Variants in UBAP2 observed in about 807,000 individuals in gnomAD.
UBAP2 encodes ubiquitin associated protein 2, also known as ubiquitin-associated protein 2.
Under a neutral mutation model 139.6 loss-of-function variants are expected in UBAP2, and 75 were observed. That is an observed-to-expected ratio of 0.54 (90% CI 0.45 to 0.65). UBAP2 has a LOEUF of 0.65. Among genes scored for constraint, UBAP2 ranks in the 30% least tolerant of loss-of-function variants. The probability of loss-of-function intolerance (pLI) is 0.00; values close to 1 mark genes in which losing one functional copy is unlikely to be tolerated. For synonymous variants in UBAP2, 526 were observed against 526.2 expected (o/e 1.00, Z 0.01); for missense variants, 1,368 against 1,369.6 (o/e 1.00, Z 0.02).
At chr9:33,928,158 G>C in intron 19 of UBAP2, 166 bp from the exon 20 acceptor site, 1 of 636,098 alleles carries the variant, frequency 1.6e-6, no homozygotes, top group Non-Finnish European at 2.6e-6. Context: ...AGTGCTCACT[G>C]CGGCCCCTCA....
chr9:33,994,186 G>A (rs929520144), intron 4 of UBAP2, among the ~76,000 whole-genome samples: 1 of 152,092 alleles, frequency 6.6e-6, no homozygotes, highest in South Asian at 2.1e-4. Flanking sequence ...GAGCCGCAGT[G>A]CCCAGTCAGT....
chr9:34,019,666 CTT>C (rs1824728355), intron 1 of UBAP2, among the ~76,000 whole-genome samples: 1 of 146,152 alleles, frequency 6.8e-6, no homozygotes, highest in Admixed American at 7.1e-5. Flanking sequence ...TTACAATAAA[CTT>C]TATGTTATGT....
At chr9:33,969,356 C>A (rs1827718056) in intron 8 of UBAP2, among the ~76,000 whole-genome samples, 1 of 151,928 alleles carries the variant, frequency 6.6e-6, no homozygotes, top group African/African-American at 2.4e-5. Flanking sequence ...AGACCAGCTT[C>A]CACAACAATG....
Position 34,021,342 on chromosome 9 carries a change from C to T in UBAP2, c.-41-4153G>A, listed in dbSNP as rs73482913. ...ACCAATTATCTAGAATTTCTCACAGCCTCAATACACTGGTTTAAAACTTTT... is the reference window on the plus strand; with the variant it reads ...ACCAATTATCTAGAATTTCTCACAGTCTCAATACACTGGTTTAAAACTTTT... On this transcript the variant is annotated intron_variant, in intron 1 of 28. Coordinates refer to ENST00000379238, the MANE Select transcript of UBAP2 (RefSeq NM_001370062.2). 3.4e-3 allele frequency among the ~76,000 whole-genome samples: 519 copies of T among 152,272 alleles called. 5 individuals carry two copies. Among genetic ancestry groups the T allele is most frequent in the African/African-American group, 0.012 (487 of 41,564 alleles).
At chr9:33,949,294 G>A (rs552986320) in intron 12 of UBAP2, among the ~76,000 whole-genome samples, 1 of 152,124 alleles carries the variant, frequency 6.6e-6, no homozygotes, top group East Asian at 1.9e-4. Flanking sequence ...ACAAAGATAT[G>A]CTTGACCAAC....
intron 2 of UBAP2, among the ~76,000 whole-genome samples, chr9:34,004,153 C>T (rs1822972454): frequency 6.6e-6 from 1 of 152,204 alleles, no homozygotes; most frequent in Non-Finnish European, 1.5e-5. Flanking sequence ...GATATATACT[C>T]AACGAGCAGT....
chr9:33,930,853 G>A (rs1444291080), intron 19 of UBAP2, among the ~76,000 whole-genome samples: 2 of 137,172 alleles, frequency 1.5e-5, no homozygotes, highest in African/African-American at 2.8e-5. Context: ...CTGAGATTGC[G>A]CCATTGCACT....
intron 4 of UBAP2, among the ~76,000 whole-genome samples, chr9:33,990,186 T>C (rs1377862607): frequency 6.6e-6 from 1 of 152,184 alleles, no homozygotes; most frequent in Non-Finnish European, 1.5e-5. Flanking sequence ...TTCCATTTAC[T>C]TATTCATAAT....
At chr9:34,013,855 C>A (rs763296853) in intron 2 of UBAP2, among the ~76,000 whole-genome samples, 1 of 150,554 alleles carries the variant, frequency 6.6e-6, no homozygotes, top group African/African-American at 2.4e-5. Context: ...CCAGCCTGGG[C>A]GACAGAGCGA....
chr9:34,047,714 T>C (rs1186727145), intron 1 of UBAP2, among the ~76,000 whole-genome samples: 2 of 152,220 alleles, frequency 1.3e-5, no homozygotes, highest in East Asian at 3.8e-4. Context: ...AGCACCGTGG[T>C]GCACACTGTA....
At chr9:33,998,750 A>C (rs749898112) in intron 3 of UBAP2, 37 bp downstream of exon 3, 1 of 1,562,920 alleles carries the variant, frequency 6.4e-7, no homozygotes, top group Non-Finnish European at 8.7e-7. Flanking sequence ...ATCAAAATAG[A>C]TTATAAAAAT....
intron 18 of UBAP2, 23 bp from the exon 19 acceptor site, chr9:33,932,651 G>T: frequency 6.2e-7 from 1 of 1,612,544 alleles, no homozygotes; most frequent in Non-Finnish European, 8.5e-7. Flanking sequence ...ACAGAGCGCC[G>T]TATGTCCACC....
chr9:34,034,654 CAGG>C (rs1198658848), intron 1 of UBAP2, among the ~76,000 whole-genome samples: 2 of 152,158 alleles, frequency 1.3e-5, no homozygotes, highest in Admixed American at 6.6e-5. Context: ...GCGGGCGGAT[CAGG>C]AGGTCAGGAG....
intron 12 of UBAP2, among the ~76,000 whole-genome samples, 165 bp downstream of exon 12, chr9:33,953,120 C>T (rs1826243986): frequency 6.6e-6 from 1 of 152,188 alleles, no homozygotes; most frequent in Non-Finnish European, 1.5e-5. Context: ...TCCTCATGCC[C>T]CAGCTCCCAA....
intron 1 of UBAP2, among the ~76,000 whole-genome samples, chr9:34,030,184 G>A (rs931538639): frequency 5.9e-5 from 9 of 151,508 alleles, no homozygotes; most frequent in African/African-American, 9.7e-5. Flanking sequence ...GGTGGCTCAC[G>A]CCTGTAATCC....
At chr9:33,998,888 A>ACCT in intron 2 of UBAP2, 24 bp from the exon 3 acceptor site, 1 of 1,600,648 alleles carries the variant, frequency 6.2e-7, no homozygotes, top group East Asian at 2.2e-5. Flanking sequence ...ACAATTGTTA[A>ACCT]GGATTTGAAC....
chr9:34,003,059 GTTT>G (rs11420628), intron 2 of UBAP2, among the ~76,000 whole-genome samples: 1 of 148,142 alleles, frequency 6.8e-6, no homozygotes, highest in Non-Finnish European at 1.5e-5. Context: ...TTCTTTCGTT[GTTT>G]TTTTTTTTCT....
intron 1 of UBAP2, among the ~76,000 whole-genome samples, chr9:34,035,364 T>C (rs1301009233): frequency 6.6e-6 from 1 of 150,890 alleles, no homozygotes; most frequent in East Asian, 2.0e-4. Flanking sequence ...TAGCCGGGCA[T>C]GATGGCGGGT....
At chr9:34,038,235 G>A (rs903828781) in intron 1 of UBAP2, among the ~76,000 whole-genome samples, 7 of 151,684 alleles carry the variant, frequency 4.6e-5, no homozygotes, top group Non-Finnish European at 2.9e-5. Flanking sequence ...AAGATCATGA[G>A]GTCAGGAGTT....
Sources: gnomAD v4.1 joint callset for allele counts (sites outside exome capture counted in the v4.1 genomes callset) on GRCh38, gnomAD v4.1.1 for gene constraint, MANE v1.5 for transcripts, NCBI Gene and HGNC (gene_info 2026-07-23, HGNC 2026-07-21) for gene names.